Variants in RASA3 observed in about 807,000 individuals in gnomAD.
RASA3 encodes the protein ras GTPase-activating protein 3.
Under a neutral mutation model 110.0 loss-of-function variants are expected in RASA3, and 73 were observed. The observed-to-expected ratio is 0.66, with a 90% confidence interval of 0.55 to 0.81. The LOEUF is 0.81. Ranked by LOEUF, RASA3 falls within the 30% of genes least tolerant of loss-of-function variation. The pLI is 0.00. For synonymous variants in RASA3, 500 were observed against 451.4 expected, an observed-to-expected ratio of 1.11 and a Z score of -1.37; for missense variants, 976 against 1,113.2, an observed-to-expected ratio of 0.88 and a Z score of 1.75.
chr13:114,050,898 C>A (rs950151341), intron 3 of RASA3, among the ~76,000 whole-genome samples: 4 of 152,218 alleles, frequency 2.6e-5, no homozygotes, highest in African/African-American at 9.6e-5. Context: ...TGGATCAGAT[C>A]ACAGATCCTG....
chr13:114,101,384 G>A lies in RASA3; in HGVS notation c.56-27547C>T, dbSNP rs576260941. ...CCTGCACCCCCACGGCCCACCAGGG[G>A]ACTGCACCTCTACAGGAAGGACAGA... On this transcript the variant is annotated intron_variant, in intron 1 of 23. Coordinates refer to ENST00000334062, the MANE Select transcript of RASA3 (RefSeq NM_007368.4). 4.6e-5 allele frequency among the ~76,000 whole-genome samples: 7 copies of A among 152,362 alleles called. No individual in the cohort carries two copies. The South Asian group carries it at 1.4e-3, about 32-fold the overall frequency.
rs747579577 is a variant in RASA3 at position 114,041,017 on chromosome 13, C to A, written c.355G>T (p.Ala119Ser). The change falls in exon 4 of 24, where the codon GCT becomes TCT. Residue 119 changes from alanine to serine, a missense_variant. Transcript: ENST00000334062. ...AGTCTCACCTGCACTTCCGAGTCAG[C>A]GTCCACGTGCTGCAGCTGGAACCAG... Reference protein sequence around the residue: ...DTWFQLQHVDADSEVQGKVHL... With the variant: ...DTWFQLQHVDSDSEVQGKVHL... 1 of 1,613,730 alleles carries A rather than the reference C, an allele frequency of 6.2e-7. No homozygotes were observed. The highest frequency in any genetic ancestry group is 1.1e-5 in the South Asian group (1 of 91,088).
At chr13:114,017,401 G>A (rs1280994528) in intron 11 of RASA3, 50 bp from the exon 12 acceptor site, 2 of 1,449,574 alleles carry the variant, frequency 1.4e-6, no homozygotes, top group South Asian at 2.3e-5. Context: ...ACGCGGAAGT[G>A]CAGACGGAGC....
At chr13:114,124,128 C>T (rs2080415887) in intron 1 of RASA3, among the ~76,000 whole-genome samples, 1 of 152,206 alleles carries the variant, frequency 6.6e-6, no homozygotes, top group Admixed American at 6.5e-5. Context: ...GCAGCCGTTA[C>T]TGGCTGTGTT....
At chr13:113,993,806 TAAAAAA>T (rs35450759) in intron 21 of RASA3, among the ~76,000 whole-genome samples, 4 of 85,590 alleles carry the variant, frequency 4.7e-5, no homozygotes, top group Admixed American at 4.2e-4. Context: ...AGACTCTGCC[TAAAAAA>T]AAAAAAAAAA....
At chr13:114,050,853 C>T (rs1243594316) in intron 3 of RASA3, among the ~76,000 whole-genome samples, 1 of 152,206 alleles carries the variant, frequency 6.6e-6, no homozygotes, top group Non-Finnish European at 1.5e-5. Context: ...GACCTTTGGC[C>T]GTGCCTCTCA....
At chr13:114,118,315 C>T (rs12860901) in intron 1 of RASA3, among the ~76,000 whole-genome samples, 55,213 of 151,982 alleles carry the variant, frequency 0.36, 10,560 homozygotes, top group Non-Finnish European at 0.42. Flanking sequence ...CTCAAACCCC[C>T]CAGCCAAGTG....
In RASA3 at chr13:113,996,756, G is replaced by T. The variant is rs926628403; in HGVS notation, c.1933-17C>A. The T allele has an allele frequency of 6.2e-7, 1 of 1,605,982 alleles. No homozygotes were observed. The highest frequency in any genetic ancestry group is 1.7e-4 in the Middle Eastern group (1 of 6,044). On this transcript the variant is annotated splice_polypyrimidine_tract_variant and intron_variant, in intron 20 of 23. Coordinates refer to ENST00000334062, the MANE Select transcript of RASA3 (RefSeq NM_007368.4). ...CTGGAACATCTGAGGACACAGGTGG[G>T]CTCAGGACAGCGCACATGAGGTCTC...
intron 17 of RASA3, among the ~76,000 whole-genome samples, chr13:114,008,861 T>C (rs71449050): frequency 2.9e-5 from 2 of 69,696 alleles, no homozygotes; most frequent in East Asian, 8.7e-4. Context: ...CGTTCCTGAC[T>C]GTGGGGAGGA....
intron 1 of RASA3, among the ~76,000 whole-genome samples, chr13:114,117,333 ATG>A (rs2080298994): frequency 8.4e-6 from 1 of 119,122 alleles, no homozygotes; most frequent in South Asian, 2.9e-4. Context: ...TGACAGATGC[ATG>A]TGTGTGAGGA....
At position 114,000,764 on chromosome 13, in the gene RASA3, G is replaced by A. The variant is rs964321376; in HGVS notation, c.1849+62C>T. The A allele has an allele frequency of 4.7e-5, 58 of 1,247,174 alleles. No individual in the cohort carries two copies. In the African/African-American group the frequency reaches 8.0e-4, roughly 17 times the overall value. 77.3% of individuals were successfully genotyped at this position (1,247,174 alleles called of 1,614,324 possible). A position where few individuals can be genotyped will look rare whatever the true frequency, so the allele number is the denominator to read the frequency against. On this transcript the variant is annotated intron_variant, in intron 19 of 23. Transcript: ENST00000334062. Reference sequence around the variant, plus strand: ...CCTCAGCTCTCCCCCTGAAAAAGCAGACTCAGTCCCAGGGCCCAGCACGCT... The same window carrying A: ...CCTCAGCTCTCCCCCTGAAAAAGCAAACTCAGTCCCAGGGCCCAGCACGCT...
At chr13:114,012,798 ACG>A (rs2053668317) in intron 15 of RASA3, among the ~76,000 whole-genome samples, 1 of 91,466 alleles carries the variant, frequency 1.1e-5, no homozygotes, top group African/African-American at 4.8e-5. Flanking sequence ...CACGCAGTCC[ACG>A]CACTCCACAC....
At chr13:114,001,501 G>A (rs1317124209) in intron 18 of RASA3, among the ~76,000 whole-genome samples, 3 of 146,294 alleles carry the variant, frequency 2.1e-5, no homozygotes, top group Non-Finnish European at 4.5e-5. Flanking sequence ...GCGGGCTCGG[G>A]GTCAGGGCAG....
chr13:114,036,985 CCCTTTTAGACAACA>C, intron 4 of RASA3, among the ~76,000 whole-genome samples: 1 of 152,310 alleles, frequency 6.6e-6, no homozygotes, highest in Middle Eastern at 3.4e-3. Context: ...CTTGCCTCCT[CCCTTTTAGACAACA>C]GCTCGCATTT....
intron 1 of RASA3, among the ~76,000 whole-genome samples, chr13:114,102,737 G>A (rs569775931): frequency 7.9e-5 from 12 of 152,294 alleles, no homozygotes; most frequent in South Asian, 2.1e-4. Flanking sequence ...CCCCCAGGGC[G>A]ACGCTCCCGA....
At chr13:113,994,360 G>C (rs1299357019) in intron 21 of RASA3, among the ~76,000 whole-genome samples, 1 of 152,156 alleles carries the variant, frequency 6.6e-6, no homozygotes, top group East Asian at 1.9e-4. Flanking sequence ...CTGGGGATGG[G>C]TGGTTATAGT....
chr13:114,013,725 C>T lies in RASA3; in HGVS notation c.1406-477G>A, dbSNP rs1270956571. Among the ~76,000 whole-genome samples, 8 of 72,400 alleles carry T rather than the reference C, an allele frequency of 1.1e-4. No homozygotes were observed. The East Asian group carries it at 1.4e-3, about 13-fold the overall frequency. 47.5% of individuals were successfully genotyped at this position (72,400 alleles called of 152,430 possible). ...CTCTCTCTCTCCCCCTCTCTCTCTC[C>T]GTCCGTCTGTCTCTGGCTCTCTCTC... On this transcript the variant is annotated intron_variant, in intron 14 of 23. Coordinates refer to ENST00000334062, the MANE Select transcript of RASA3 (RefSeq NM_007368.4).
At chr13:114,039,595 T>C (rs2054354570) in intron 4 of RASA3, among the ~76,000 whole-genome samples, 2 of 152,348 alleles carry the variant, frequency 1.3e-5, no homozygotes, top group South Asian at 4.1e-4. Context: ...CTCTTGCTTG[T>C]GGCCTTTGCA....
intron 18 of RASA3, among the ~76,000 whole-genome samples, chr13:114,001,537 C>A (rs894357149): frequency 6.7e-6 from 1 of 150,036 alleles, no homozygotes; most frequent in African/African-American, 2.5e-5. Flanking sequence ...ACACAGAGGA[C>A]CTACAGCCGC....
Sources: allele counts gnomAD v4.1 joint callset (sites outside exome capture counted in the v4.1 genomes callset), GRCh38; gene constraint gnomAD v4.1.1; transcripts MANE v1.5; gene names NCBI Gene and HGNC (gene_info 2026-07-23, HGNC 2026-07-21).